Variants in SYT9 observed in about 807,000 individuals in gnomAD.
SYT9 encodes synaptotagmin 9.
SYT9 carries 22 observed loss-of-function variants against 48.4 expected under a neutral mutation model. The ratio of observed to expected loss-of-function variants is 0.45; its 90% confidence interval spans 0.32 to 0.65. The LOEUF is 0.65. Ranked by LOEUF, SYT9 falls within the 30% of genes least tolerant of loss-of-function variation. SYT9 has a pLI of 0.03. For missense variants in SYT9, 577 were observed against 622.0 expected (o/e 0.93, Z 0.77); for synonymous variants, 265 against 245.0 (o/e 1.08, Z -0.76).
At position 7,301,274 on chromosome 11, in the gene SYT9, G is replaced by A. The variant is rs780204052; in HGVS notation, c.146-1765G>A. Among the ~76,000 whole-genome samples the A allele has an allele frequency of 2.4e-4, 36 of 152,254 alleles. 1 individual carries two copies. Among genetic ancestry groups the A allele is most frequent in the Admixed American group, 3.9e-4 (6 of 15,300 alleles). On this transcript the variant is annotated intron_variant, in intron 1 of 6. Transcript: ENST00000318881. ...AGTAGAAGGTGAAGATTGATTGGGC[G>A]GCAAAGAGGAAGTATGTTAAATCCA... is the stretch of plus-strand genomic sequence containing the variant.
At chr11:7,322,564 T>A (rs997392049) in intron 3 of SYT9, among the ~76,000 whole-genome samples, 1 of 152,172 alleles carries the variant, frequency 6.6e-6, no homozygotes, top group African/African-American at 2.4e-5. Flanking sequence ...GGCAGCACTG[T>A]AGAACAGCAC....
chr11:7,285,862 A>G (rs577708963), intron 1 of SYT9, among the ~76,000 whole-genome samples: 14 of 152,220 alleles, frequency 9.2e-5, no homozygotes, highest in Non-Finnish European at 2.1e-4. Context: ...TAAAGTTCCA[A>G]AATGATCTTA....
At chr11:7,335,629 C>T (rs1275853782) in intron 3 of SYT9, among the ~76,000 whole-genome samples, 1 of 152,112 alleles carries the variant, frequency 6.6e-6, no homozygotes, top group Non-Finnish European at 1.5e-5. Flanking sequence ...ATTCATGTTC[C>T]TCCAGAGAAC....
chr11:7,402,629 A>C (rs1846916147), intron 3 of SYT9, among the ~76,000 whole-genome samples: 1 of 152,150 alleles, frequency 6.6e-6, no homozygotes, highest in Admixed American at 6.5e-5. Context: ...ATCTTCTTTG[A>C]GATTAATACA....
intron 3 of SYT9, among the ~76,000 whole-genome samples, chr11:7,407,474 G>A (rs1192292244): frequency 1.5e-5 from 1 of 67,826 alleles, no homozygotes; most frequent in Non-Finnish European, 2.7e-5. Context: ...TCCGCTTCCC[G>A]GGTTCACGCC....
rs1385357677 is a variant in SYT9 at position 7,262,651 on chromosome 11, A to G, written c.145+10320A>G. 3.3e-5 allele frequency among the ~76,000 whole-genome samples: 5 copies of G among 152,126 alleles called. No individual in the cohort carries two copies. In the East Asian group the frequency reaches 9.6e-4, roughly 29 times the overall value. On this transcript the variant is annotated intron_variant, in intron 1 of 6. Transcript: ENST00000318881. ...GGTGATCAAATAAGAAGGAATAAGC[A>G]GCTGTGTCAAGTGCTACTGTTAGGT...
rs77072948 is a variant in SYT9 at position 7,377,987 on chromosome 11, G to A, written c.1045-38055G>A. Among the ~76,000 whole-genome samples, 793 of 152,214 alleles carry A rather than the reference G, an allele frequency of 5.2e-3. 11 individuals carry two copies. The highest frequency in any genetic ancestry group is 0.031 in the East Asian group (158 of 5,170). On this transcript the variant is annotated intron_variant, in intron 3 of 6. Coordinates refer to ENST00000318881, the MANE Select transcript of SYT9 (RefSeq NM_175733.4). ...GAAGAAGATATAGCTCCTGCCTTCA[G>A]CATCTCAGAGTGGCAAATATATCAA... is the stretch of plus-strand genomic sequence containing the variant.
chr11:7,245,155 G>T (rs1225096765), intron 1 of SYT9, among the ~76,000 whole-genome samples: 1 of 152,170 alleles, frequency 6.6e-6, no homozygotes, highest in Non-Finnish European at 1.5e-5. Flanking sequence ...TTTGAATGCT[G>T]GCTGTCTCCA....
chr11:7,278,791 G>A (rs1848443486), intron 1 of SYT9, among the ~76,000 whole-genome samples: 1 of 152,142 alleles, frequency 6.6e-6, no homozygotes, highest in African/African-American at 2.4e-5. Context: ...GGAGAAGAAG[G>A]GGAGACTGCG....
chr11:7,453,998 C>T (rs1241551633), intron 6 of SYT9: 1 of 985,308 alleles, frequency 1.0e-6, no homozygotes, highest in East Asian at 1.1e-4. Context: ...TCTTGTTTGA[C>T]AGGCCAGAGG....
chr11:7,323,191 C>T (rs1356061996), intron 3 of SYT9, among the ~76,000 whole-genome samples: 2 of 151,992 alleles, frequency 1.3e-5, no homozygotes, highest in Non-Finnish European at 2.9e-5. Context: ...GCAGGAATTT[C>T]TGTAAAGTAT....
chr11:7,298,438 T>C (rs117907877), intron 1 of SYT9, among the ~76,000 whole-genome samples: 3,047 of 152,332 alleles, frequency 0.02, 43 homozygotes, highest in Non-Finnish European at 0.033. Context: ...ATTCCTTTCA[T>C]GTCAGGGGCC....
intron 3 of SYT9, among the ~76,000 whole-genome samples, chr11:7,354,785 G>A (rs1849984777): frequency 6.6e-6 from 1 of 151,992 alleles, no homozygotes; most frequent in Non-Finnish European, 1.5e-5. Flanking sequence ...TGGAGTGCAG[G>A]GGCAGTTGAA....
chr11:7,423,026 C>T (rs1454247446), intron 6 of SYT9, among the ~76,000 whole-genome samples: 1 of 152,224 alleles, frequency 6.6e-6, no homozygotes, highest in Non-Finnish European at 1.5e-5. Flanking sequence ...TCATTTGTTA[C>T]AGCGGCTAAA....
Position 7,466,998 on chromosome 11 carries a change from C to CTGGA in SYT9, c.*198_*199insTGGA. On this transcript the variant is annotated 3_prime_UTR_variant, in exon 7 of 7. Transcript: ENST00000318881. ...TGGTCCAGCCACCTTCTGCAGGTGG[C>CTGGA]CCAAGGTGATGTGCTGCAGGGAAGC... The CTGGA allele has an allele frequency of 1.6e-6, 1 of 625,416 alleles. No homozygotes were observed. The highest frequency in any genetic ancestry group is 2.8e-6 in the Non-Finnish European group (1 of 352,746). The allele number at this position is 625,416 out of a possible 1,614,324, so 38.7% of individuals were successfully genotyped here. A position where few individuals can be genotyped will look rare whatever the true frequency, so the allele number is the denominator to read the frequency against.
chr11:7,343,760 A>G (rs917499288), intron 3 of SYT9, among the ~76,000 whole-genome samples: 5 of 152,212 alleles, frequency 3.3e-5, no homozygotes, highest in African/African-American at 1.2e-4. Flanking sequence ...ACTGTTGATA[A>G]AGACATATCC....
chr11:7,256,304 C>T (rs915219487), intron 1 of SYT9, among the ~76,000 whole-genome samples: 5 of 152,352 alleles, frequency 3.3e-5, no homozygotes, highest in Admixed American at 1.3e-4. Context: ...GCAGCAGCAG[C>T]AGCTGCTGGG....
chr11:7,442,337 C>T (rs898193217), intron 6 of SYT9, among the ~76,000 whole-genome samples: 1 of 152,218 alleles, frequency 6.6e-6, no homozygotes, highest in African/African-American at 2.4e-5. Flanking sequence ...TGGCTCTCTC[C>T]TCCCACTCTT....
chr11:7,252,439 GGGC>G lies in SYT9; in HGVS notation c.145+112_145+114del. 8.1e-7 allele frequency: 1 copy of G among 1,235,402 alleles called. No individual in the cohort carries two copies. Among genetic ancestry groups the G allele is most frequent in the Non-Finnish European group, 1.0e-6 (1 of 960,562 alleles). The allele number at this position is 1,235,402 out of a possible 1,614,324, so 76.5% of individuals were successfully genotyped here. A position where few individuals can be genotyped will look rare whatever the true frequency, so the allele number is the denominator to read the frequency against. Reference sequence around the variant, plus strand: ...GCGACGCGGACTGGGAGAGGGCGGGGGGCGGCCACCGAGCCAGGAGAGTGATCA... The same window carrying G: ...GCGACGCGGACTGGGAGAGGGCGGGGGGCCACCGAGCCAGGAGAGTGATCA... On this transcript the variant is annotated intron_variant, in intron 1 of 6. Transcript: ENST00000318881. The surrounding 1 kb of genome is among the most constrained non-coding windows in gnomAD (Gnocchi z 6.3).
Sources: allele counts gnomAD v4.1 joint callset (sites outside exome capture counted in the v4.1 genomes callset), GRCh38; gene constraint gnomAD v4.1.1; non-coding constraint Gnocchi (gnomAD v3.1); transcripts MANE v1.5; gene names NCBI Gene and HGNC (gene_info 2026-07-23, HGNC 2026-07-21).